The following IL36B variants were observed in gnomAD, a reference collection of about 807,000 sequenced individuals.
IL36B encodes the protein interleukin-36 beta.
Under a neutral mutation model 19.3 loss-of-function variants are expected in IL36B, and 23 were observed. The ratio of observed to expected loss-of-function variants is 1.19; its 90% CI spans 0.86 to 1.69. The LOEUF is 1.69. IL36B is among the 40% of genes most tolerant of loss of function. IL36B has a pLI of 0.00. For synonymous variants in IL36B, 59 were observed against 59.7 expected (o/e 0.99, Z 0.05); for missense variants, 217 against 200.5 (o/e 1.08, Z -0.50).
chr2:113,024,324 G>A (rs1214309517), intron 5 of IL36B, among the ~76,000 whole-genome samples: 1 of 152,152 alleles, frequency 6.6e-6, no homozygotes, highest in African/African-American at 2.4e-5. Context: ...ACTGGAACAG[G>A]GGGAATAACA....
chr2:113,028,247 A>G, intron 4 of IL36B, 132 bp from the exon 5 acceptor site: 1 of 709,392 alleles, frequency 1.4e-6, no homozygotes. Context: ...ACAAAGGCAG[A>G]TGAAGCAGGG....
intron 1 of IL36B, among the ~76,000 whole-genome samples, chr2:113,044,130 CA>C (rs1685305792): frequency 6.6e-6 from 1 of 152,080 alleles, no homozygotes; most frequent in African/African-American, 2.4e-5. Context: ...TTGGGCCTTT[CA>C]AAAACTTTCT....
intron 5 of IL36B, among the ~76,000 whole-genome samples, chr2:113,025,669 G>C (rs1199771811): frequency 6.6e-6 from 1 of 152,162 alleles, no homozygotes. Flanking sequence ...GGGAAGATGA[G>C]GAGAGTCCCG....
chr2:113,024,967 G>A (rs1684929958), intron 5 of IL36B, among the ~76,000 whole-genome samples: 1 of 152,140 alleles, frequency 6.6e-6, no homozygotes, highest in Admixed American at 6.5e-5. Flanking sequence ...GAAAATATTT[G>A]CAATGGTGAA....
intron 1 of IL36B, among the ~76,000 whole-genome samples, chr2:113,046,499 C>T (rs898781349): frequency 2.0e-5 from 3 of 152,180 alleles, no homozygotes; most frequent in East Asian, 1.9e-4. Context: ...TGAGCCACCG[C>T]GCCTGCCCTC....
In IL36B at chr2:113,037,486, T is replaced by C. The variant is rs35798144; in HGVS notation, c.-57-5720A>G. 1.9e-3 allele frequency among the ~76,000 whole-genome samples: 283 copies of C among 152,134 alleles called. 1 individual carries two copies. The highest frequency in any genetic ancestry group is 6.5e-3 in the African/African-American group (270 of 41,524). On this transcript the variant is annotated intron_variant, in intron 1 of 5. Transcript: ENST00000259213. ...CCAACATGGAGAAACCCCATCTCTATTAAAAATACAAAATTAGCCAGGCGT... is the reference window on the plus strand; with the variant it reads ...CCAACATGGAGAAACCCCATCTCTACTAAAAATACAAAATTAGCCAGGCGT...
intron 3 of IL36B, among the ~76,000 whole-genome samples, chr2:113,029,495 G>A (rs751535852): frequency 2.0e-5 from 3 of 152,200 alleles, no homozygotes; most frequent in Admixed American, 6.5e-5. Flanking sequence ...TGTTTTGCAC[G>A]TAGACCTACC....
chr2:113,035,485 T>C (rs1284204864), intron 1 of IL36B, among the ~76,000 whole-genome samples: 2 of 151,852 alleles, frequency 1.3e-5, no homozygotes, highest in Non-Finnish European at 2.9e-5. Flanking sequence ...ATGCCCACCA[T>C]CTTGAGAAGC....
chr2:113,040,363 T>G (rs960722122), intron 1 of IL36B, among the ~76,000 whole-genome samples: 2 of 152,232 alleles, frequency 1.3e-5, no homozygotes, highest in Admixed American at 1.3e-4. Context: ...GAATGTTTGC[T>G]TTTTCCACTT....
At chr2:113,024,975 G>A (rs1002026030) in intron 5 of IL36B, among the ~76,000 whole-genome samples, 1 of 152,184 alleles carries the variant, frequency 6.6e-6, no homozygotes, top group Non-Finnish European at 1.5e-5. Context: ...TTGCAATGGT[G>A]AATTTCCCTG....
intron 1 of IL36B, among the ~76,000 whole-genome samples, chr2:113,049,671 T>C (rs1685408226): frequency 6.6e-6 from 1 of 152,126 alleles, no homozygotes; most frequent in Non-Finnish European, 1.5e-5. Context: ...GTGGAGGAAT[T>C]GGGTGGGGCG....
chr2:113,026,765 T>C (rs936842179), intron 4 of IL36B, among the ~76,000 whole-genome samples: 3 of 152,216 alleles, frequency 2.0e-5, no homozygotes, highest in African/African-American at 7.2e-5. Context: ...CTGATGCTTC[T>C]TCTTCCAGCA....
intron 1 of IL36B, among the ~76,000 whole-genome samples, chr2:113,046,495 A>G (rs912755009): frequency 6.6e-6 from 1 of 152,194 alleles, no homozygotes; most frequent in Non-Finnish European, 1.5e-5. Context: ...GGCGTGAGCC[A>G]CCGCGCCTGC....
chr2:113,030,899 G>C, intron 3 of IL36B, 149 bp downstream of exon 3: 1 of 634,974 alleles, frequency 1.6e-6, no homozygotes, highest in East Asian at 2.7e-5. Context: ...GGGAATCATA[G>C]TGTCCTTTCT....
intron 1 of IL36B, among the ~76,000 whole-genome samples, chr2:113,049,583 A>G (rs1558838544): frequency 6.6e-6 from 1 of 152,234 alleles, no homozygotes; most frequent in Non-Finnish European, 1.5e-5. Flanking sequence ...CAAAACCACA[A>G]TGATATACTG....
At chr2:113,028,894 A>C in intron 4 of IL36B, 45 bp downstream of exon 4, 1 of 1,580,882 alleles carries the variant, frequency 6.3e-7, no homozygotes. Context: ...TGAAATAGAA[A>C]GTCCATATGA....
intron 4 of IL36B, 137 bp downstream of exon 4, chr2:113,028,802 G>A: frequency 2.5e-6 from 2 of 796,672 alleles, no homozygotes; most frequent in Non-Finnish European, 1.9e-6. Context: ...TAGATTCAGG[G>A]ATCAGCCAGG....
chr2:113,051,213 G>A (rs868126713), intron 1 of IL36B, among the ~76,000 whole-genome samples: 1 of 152,222 alleles, frequency 6.6e-6, no homozygotes, highest in Non-Finnish European at 1.5e-5. Flanking sequence ...CCTAGCCCTG[G>A]GTTTATTTCC....
chr2:113,052,406 T>G (rs1685465003), intron 1 of IL36B, among the ~76,000 whole-genome samples: 1 of 152,192 alleles, frequency 6.6e-6, no homozygotes, highest in Non-Finnish European at 1.5e-5. Context: ...TAGTATGAAG[T>G]CAAGCTGCAA....
Sources: gnomAD v4.1 joint callset for allele counts (sites outside exome capture counted in the v4.1 genomes callset) on GRCh38, gnomAD v4.1.1 for gene constraint, MANE v1.5 for transcripts, NCBI Gene and HGNC (gene_info 2026-07-23, HGNC 2026-07-21) for gene names.